Variants in VPS13B observed in about 807,000 individuals in gnomAD.
The protein encoded by VPS13B is vacuolar protein sorting 13 homolog B.
In VPS13B, 285 loss-of-function variants were observed where a neutral mutation model predicts 426.4. The ratio of observed to expected loss-of-function variants is 0.67; its 90% CI spans 0.61 to 0.74. VPS13B has a LOEUF of 0.74. Among genes scored for constraint, VPS13B ranks in the 30% least tolerant of loss-of-function variants. The probability of loss-of-function intolerance (pLI) is 0.00; values close to 1 mark genes in which losing one functional copy is unlikely to be tolerated. For synonymous variants in VPS13B, 1,676 were observed against 1,676.4 expected, an observed-to-expected ratio of 1.00 and a Z score of 0.01; for missense variants, 4,537 against 4,782.6, an observed-to-expected ratio of 0.95 and a Z score of 1.51.
intron 61 of VPS13B, 54 bp downstream of exon 61, chr8:99,871,751 G>A: frequency 6.2e-7 from 1 of 1,610,396 alleles, no homozygotes. Context: ...AGGTTGAGGA[G>A]CAGGCTGGTC....
At chr8:99,234,495 C>T in intron 17 of VPS13B, 1 of 539,012 alleles carries the variant, frequency 1.9e-6, no homozygotes, top group Non-Finnish European at 3.7e-6. Flanking sequence ...ACTCTACACG[C>T]CGGTAGGGAA....
chr8:99,200,280 T>C (rs1218724809), intron 17 of VPS13B, among the ~76,000 whole-genome samples: 2 of 152,200 alleles, frequency 1.3e-5, no homozygotes, highest in African/African-American at 4.8e-5. Flanking sequence ...CCATATACCA[T>C]ATTTTGTTAA....
intron 16 of VPS13B, among the ~76,000 whole-genome samples, chr8:99,184,882 T>A (rs1400430560): frequency 6.6e-6 from 1 of 152,106 alleles, no homozygotes; most frequent in East Asian, 1.9e-4. Flanking sequence ...TCCCAGCTAC[T>A]CTGGAGGCTG....
intron 8 of VPS13B, among the ~76,000 whole-genome samples, chr8:99,131,087 G>A (rs944305151): frequency 6.6e-6 from 1 of 151,984 alleles, no homozygotes; most frequent in Non-Finnish European, 1.5e-5. Context: ...GTAAATAATT[G>A]GCAAACACAT....
chr8:99,707,708 TGTGGGACCCACTAA>T (rs1157800303), intron 36 of VPS13B, among the ~76,000 whole-genome samples: 4 of 152,202 alleles, frequency 2.6e-5, no homozygotes, highest in African/African-American at 9.6e-5. Flanking sequence ...ACCATTACTA[TGTGGGACCCACTAA>T]GTGTCAAGGA....
chr8:99,271,226 A>G (rs889444512), intron 17 of VPS13B, among the ~76,000 whole-genome samples: 4 of 150,772 alleles, frequency 2.7e-5, no homozygotes, highest in Non-Finnish European at 5.9e-5. Context: ...TACTACTACT[A>G]CTACTACTAC....
chr8:99,225,940 CTCTT>C (rs1403672395), intron 17 of VPS13B, among the ~76,000 whole-genome samples: 32 of 151,994 alleles, frequency 2.1e-4, no homozygotes, highest in Non-Finnish European at 2.8e-4. Context: ...TTCTTCAAGC[CTCTT>C]TCTTTTTACT....
intron 29 of VPS13B, among the ~76,000 whole-genome samples, chr8:99,515,808 C>T (rs1263254772): frequency 1.3e-5 from 2 of 152,100 alleles, no homozygotes; most frequent in Non-Finnish European, 1.5e-5. Flanking sequence ...ATTTCTTACT[C>T]TTACCCTAAC....
At chr8:99,658,271 G>A (rs549938875) in intron 34 of VPS13B, among the ~76,000 whole-genome samples, 3 of 152,214 alleles carry the variant, frequency 2.0e-5, no homozygotes, top group South Asian at 2.1e-4. Flanking sequence ...GCCTCTTCAC[G>A]TGAGGAAGGC....
Position 99,136,662 on chromosome 8 carries a change from C to A in VPS13B, c.1564-3C>A. On this transcript the variant is annotated splice_polypyrimidine_tract_variant and splice_region_variant and intron_variant, in intron 11 of 61. Coordinates refer to ENST00000357162, the MANE Select transcript of VPS13B (RefSeq NM_152564.5). ...TATTCTGTTTGCATTGCTTTGTTGG[C>A]AGGAGACATACACTGAGATAGCTGG... 6.2e-7 allele frequency: 1 copy of A among 1,613,350 alleles called. No individual in the cohort carries two copies. Among genetic ancestry groups the A allele is most frequent in the Non-Finnish European group, 8.5e-7 (1 of 1,179,502 alleles).
rs80323474 is a variant in VPS13B, at chr8:99,022,245, A to T, written c.147+8310A>T. ...TTTCAGTCTTTTTCTACTCAAATAT[A>T]TATATATAATGCTATAATTTTTTTC... On this transcript the variant is annotated intron_variant, in intron 2 of 61. Transcript: ENST00000357162. 3.4e-4 allele frequency among the ~76,000 whole-genome samples: 51 copies of T among 151,500 alleles called. No individual in the cohort carries two copies. The East Asian group carries it at 8.3e-3, about 25-fold the overall frequency.
At chr8:99,207,377 T>C (rs1379319373) in intron 17 of VPS13B, among the ~76,000 whole-genome samples, 1 of 152,192 alleles carries the variant, frequency 6.6e-6, no homozygotes, top group African/African-American at 2.4e-5. Flanking sequence ...AAGTTATGCC[T>C]GACTTAATTT....
intron 24 of VPS13B, among the ~76,000 whole-genome samples, chr8:99,470,195 G>A (rs973154890): frequency 6.6e-6 from 1 of 152,064 alleles, no homozygotes; most frequent in African/African-American, 2.4e-5. Flanking sequence ...TTGTTAAAAA[G>A]GAAAACATAA....
At chr8:99,685,498 A>C (rs1239588484) in intron 35 of VPS13B, among the ~76,000 whole-genome samples, 1 of 152,144 alleles carries the variant, frequency 6.6e-6, no homozygotes, top group African/African-American at 2.4e-5. Flanking sequence ...TGAGGTCTCC[A>C]GTTCCTTATT....
intron 31 of VPS13B, among the ~76,000 whole-genome samples, chr8:99,573,563 T>G (rs1825602136): frequency 6.6e-6 from 1 of 152,196 alleles, no homozygotes; most frequent in South Asian, 2.1e-4. Flanking sequence ...GGGAATACTT[T>G]CCCCATTTCT....
chr8:99,453,536 T>C (rs1405291757), intron 23 of VPS13B, among the ~76,000 whole-genome samples: 1 of 152,212 alleles, frequency 6.6e-6, no homozygotes, highest in Non-Finnish European at 1.5e-5. Flanking sequence ...CATTCAGCCT[T>C]CTTTATCATT....
At chr8:99,027,702 G>T (rs890121986) in intron 2 of VPS13B, among the ~76,000 whole-genome samples, 4 of 151,904 alleles carry the variant, frequency 2.6e-5, no homozygotes, top group Non-Finnish European at 5.9e-5. Flanking sequence ...TGTTTCTGCT[G>T]AGAAATCTGC....
In VPS13B at chr8:99,364,592, A is replaced by G. The variant is rs188779943; in HGVS notation, c.2825-19616A>G. On this transcript the variant is annotated intron_variant, in intron 19 of 61. Transcript: ENST00000357162. ...GGACTACAGACATGTGCTACCATGC[A>G]CAACTAATTTTTGTATTTTTAGTAG... 6.3e-3 allele frequency among the ~76,000 whole-genome samples: 959 copies of G among 151,986 alleles called. 8 individuals carry two copies. The highest frequency in any genetic ancestry group is 0.022 in the African/African-American group (900 of 41,462).
chr8:99,128,890 A>T lies in VPS13B; in HGVS notation c.1207-5742A>T, dbSNP rs1232221613. 3.9e-5 allele frequency among the ~76,000 whole-genome samples: 6 copies of T among 152,346 alleles called. No individual in the cohort carries two copies. In the South Asian group the frequency reaches 1.2e-3, roughly 32 times the overall value. ...CTCAGTGGCTCACGCCTGTAATCCC[A>T]GCACTTTGGGAGGCTGAGGCGGGCG... On this transcript the variant is annotated intron_variant, in intron 8 of 61. Transcript: ENST00000357162.
Sources: gnomAD v4.1 joint callset for allele counts (sites outside exome capture counted in the v4.1 genomes callset) on GRCh38, gnomAD v4.1.1 for gene constraint, MANE v1.5 for transcripts, NCBI Gene and HGNC (gene_info 2026-07-23, HGNC 2026-07-21) for gene names.